The following MMP13 variants were observed in gnomAD, a reference collection of about 807,000 sequenced individuals.
MMP13 encodes the protein matrix metallopeptidase 13.
In MMP13, 45 loss-of-function variants were observed where a neutral mutation model predicts 52.1. The ratio of observed to expected loss-of-function variants is 0.86; its 90% CI spans 0.68 to 1.11. MMP13 has a LOEUF of 1.11. MMP13 is among the 50% of genes least tolerant of loss of function. The pLI is 0.00. For synonymous variants in MMP13, 200 were observed against 204.4 expected, an observed-to-expected ratio of 0.98 and a Z score of 0.18; for missense variants, 576 against 583.8, an observed-to-expected ratio of 0.99 and a Z score of 0.14.
chr11:102,955,440 C>T lies in MMP13; in HGVS notation c.174G>A (p.Glu58=), dbSNP rs749793838. 1.2e-6 allele frequency: 2 copies of T among 1,613,968 alleles called. No homozygotes were observed. Among genetic ancestry groups the T allele is most frequent in the African/African-American group, 2.7e-5 (2 of 74,910 alleles). Residue 58 remains glutamate, a synonymous_variant, in exon 2 of 10, where the codon GAG becomes GAA. Coordinates refer to ENST00000260302, the MANE Select transcript of MMP13 (RefSeq NM_002427.4). This position sits in a 1 kb window ranked among gnomAD's most constrained non-coding sequence, Gnocchi z 4.9. ...TCTCAGTCATGGAGCTTGCTGCATT[C>T]TCCTTCAGGATTCCCGCGAGATTTG... The part of the protein sequence containing the change: ...HPTNLAGILK[E]NAASSMTERL...
rs748106896 is a variant in MMP13, at chr11:102,955,456, G to A, written c.158C>T (p.Ala53Val). ...TGCTGCATTCTCCTTCAGGATTCCC[G>A]CGAGATTTGTAGGATGGTAGTATGA... is the stretch of plus-strand genomic sequence containing the variant. Reference protein sequence around the residue: ...LRSYYHPTNLAGILKENAASS... With the variant: ...LRSYYHPTNLVGILKENAASS... Residue 53 changes from alanine to valine, a missense_variant, in exon 2 of 10, where the codon GCG (alanine) becomes GTG (valine). By Grantham distance (64) the Ala-to-Val change is moderately conservative. Transcript: ENST00000260302. The surrounding 1 kb of genome is among the most constrained non-coding windows in gnomAD (Gnocchi z 4.9). The A allele has an allele frequency of 7.8e-5, 126 of 1,613,976 alleles. No homozygotes were observed. The highest frequency in any genetic ancestry group is 5.4e-4 in the South Asian group (49 of 91,072).
In MMP13 at chr11:102,952,597, C is replaced by T. The variant is rs1485077705; in HGVS notation, c.638-424G>A. Among the ~76,000 whole-genome samples the T allele has an allele frequency of 6.6e-6, 1 of 152,070 alleles. No homozygotes were observed. Among genetic ancestry groups the T allele is most frequent in the African/African-American group, 2.4e-5 (1 of 41,418 alleles). ...GCTAGGGTGCTGCCCAGAACATCCT[C>T]CAATCAGGAGGCAGCATCCAAAGGG... On this transcript the variant is annotated intron_variant, in intron 4 of 9. Coordinates refer to ENST00000260302, the MANE Select transcript of MMP13 (RefSeq NM_002427.4). This position sits in a 1 kb window ranked among gnomAD's most constrained non-coding sequence, Gnocchi z 4.3.
Position 102,945,695 on chromosome 11 carries a change from T to G in MMP13, c.1266A>C (p.Glu422Asp), listed in dbSNP as rs1860494883. 2 of 1,605,342 alleles carry G rather than the reference T, an allele frequency of 1.2e-6. No individual in the cohort carries two copies. Among genetic ancestry groups the G allele is most frequent in the Non-Finnish European group, 1.7e-6 (2 of 1,172,916 alleles). ...CTTTATCACCAATTCCTGGGAAGTCTTCTTCTATTAGTCTCGGATAGTCTT... is the reference window on the plus strand; with the variant it reads ...CTTTATCACCAATTCCTGGGAAGTCGTCTTCTATTAGTCTCGGATAGTCTT... ...MDKDYPRLIE[E>D]DFPGIGDKVD... The change falls in exon 9 of 10, where the codon GAA becomes GAC. Residue 422 changes from glutamate to aspartate, a missense_variant. Glu to Asp is a conservative substitution (Grantham distance 45, BLOSUM62 2). Coordinates refer to ENST00000260302, the MANE Select transcript of MMP13 (RefSeq NM_002427.4).
chr11:102,949,294 T>A lies in MMP13; in HGVS notation c.918-136A>T, dbSNP rs1860569358. On this transcript the variant is annotated intron_variant, in intron 6 of 9. Coordinates refer to ENST00000260302, the MANE Select transcript of MMP13 (RefSeq NM_002427.4). The surrounding 1 kb of genome is among the most constrained non-coding windows in gnomAD (Gnocchi z 4.2). ...CTCCCACCTGTGAAGGGAAAAAAAA[T>A]TCCATTACCCTTTAAGCGCCAGTGA... 6.4e-6 allele frequency: 7 copies of A among 1,096,418 alleles called. No homozygotes were observed. Among genetic ancestry groups the A allele is most frequent in the Admixed American group, 6.1e-5 (3 of 49,154 alleles). The allele number at this position is 1,096,418 out of a possible 1,614,324, so 67.9% of individuals were successfully genotyped here.
At chr11:102,954,363 C>G (rs1219833591) in intron 3 of MMP13, 82 bp from the exon 4 acceptor site, 2 of 1,600,454 alleles carry the variant, frequency 1.2e-6, no homozygotes, top group Non-Finnish European at 1.7e-6. Context: ...GTGTTGAATT[C>G]TTTAAAAAGT....
rs950488792 is a variant in MMP13, at chr11:102,955,083, T to C, written c.362+169A>G. Among the ~76,000 whole-genome samples the C allele has an allele frequency of 2.6e-5, 4 of 152,172 alleles. No homozygotes were observed. Among genetic ancestry groups the C allele is most frequent in the African/African-American group, 4.8e-5 (2 of 41,444 alleles). On this transcript the variant is annotated intron_variant, in intron 2 of 9. Transcript: ENST00000260302. This position sits in a 1 kb window ranked among gnomAD's most constrained non-coding sequence, Gnocchi z 4.9. The stretch of plus-strand genomic sequence containing the variant: ...CTTTGAGATGCCCACTAAAAAATAA[T>C]GCTGAGTTAATGTAACAATAATAGA...
intron 5 of MMP13, among the ~76,000 whole-genome samples, chr11:102,951,183 A>G (rs1405613531): frequency 1.3e-5 from 2 of 152,084 alleles, no homozygotes; most frequent in Non-Finnish European, 2.9e-5. Flanking sequence ...TTTTTTTACA[A>G]TGGTTACTGT....
At position 102,949,664 on chromosome 11, in the gene MMP13, T is replaced by C. The variant is rs1342068492; in HGVS notation, c.917+446A>G. 3.3e-5 allele frequency among the ~76,000 whole-genome samples: 5 copies of C among 152,186 alleles called. No homozygotes were observed. Among genetic ancestry groups the C allele is most frequent in the African/African-American group, 7.2e-5 (3 of 41,450 alleles). ...TGAATAAACAAGCATACTGGAACAG[T>C]GTAGAAATTAAAATTTTATATTGCA... On this transcript the variant is annotated intron_variant, in intron 6 of 9. Coordinates refer to ENST00000260302, the MANE Select transcript of MMP13 (RefSeq NM_002427.4). This position sits in a 1 kb window ranked among gnomAD's most constrained non-coding sequence, Gnocchi z 4.2.
At chr11:102,947,771 G>A (rs1860536626) in intron 8 of MMP13, 120 bp downstream of exon 8, 1 of 1,166,746 alleles carries the variant, frequency 8.6e-7, no homozygotes, top group Non-Finnish European at 1.3e-6. Flanking sequence ...GACATGGAAT[G>A]AAAATGAATG....
At position 102,955,381 on chromosome 11, in the gene MMP13, T is replaced by C; in HGVS notation, c.233A>G (p.Glu78Gly). 6.2e-7 allele frequency: 1 copy of C among 1,614,058 alleles called. No homozygotes were observed. The highest frequency in any genetic ancestry group is 8.5e-7 in the Non-Finnish European group (1 of 1,179,956). The stretch of plus-strand genomic sequence containing the variant: ...GTTATCGTCAAGTTTGCCAGTCACC[T>C]CTAAGCCGAAGAAAGACTGCATTTC... ...LREMQSFFGL[E>G]VTGKLDDNTL... Residue 78 changes from glutamate to glycine, a missense_variant, in exon 2 of 10, where the codon GAG becomes GGG. Physicochemically the swap from Glu to Gly is moderately conservative, Grantham distance 98 (BLOSUM62 -2). Transcript: ENST00000260302. The surrounding 1 kb of genome is among the most constrained non-coding windows in gnomAD (Gnocchi z 4.9).
chr11:102,948,050 C>A lies in MMP13; in HGVS notation c.1052G>T (p.Gly351Val). ...ACCATTAAGAGCCCAAAATTTTCTA[C>A]CTGGAATGAGTGAAATAACAGTTCT... The part of the protein sequence containing the change: ...PSHDLIFIFR[G>V]RKFWALNGYD... The change falls in exon 8 of 10, where the codon GGT (glycine) becomes GTT (valine). Residue 351 changes from glycine (G) to valine (V), a missense_variant and splice_region_variant. Physicochemically the swap from Gly to Val is moderately radical, Grantham distance 109. Transcript: ENST00000260302. 6.2e-7 allele frequency: 1 copy of A among 1,612,890 alleles called. No individual in the cohort carries two copies. Among genetic ancestry groups the A allele is most frequent in the Non-Finnish European group, 8.5e-7 (1 of 1,179,398 alleles).
At chr11:102,947,201 A>T (rs1371331523) in intron 8 of MMP13, among the ~76,000 whole-genome samples, 1 of 152,210 alleles carries the variant, frequency 6.6e-6, no homozygotes, top group Non-Finnish European at 1.5e-5. Context: ...TCATGCTGGT[A>T]TCCTCTTTGG....
At chr11:102,954,117 C>A in intron 4 of MMP13, 39 bp downstream of exon 4, 2 of 1,609,518 alleles carry the variant, frequency 1.2e-6, no homozygotes, top group Non-Finnish European at 1.7e-6. Flanking sequence ...ACTGTCTAAT[C>A]TAATAACACA....
rs943039258 is a variant in MMP13 at position 102,955,604 on chromosome 11, T to A, written c.102A>T (p.Glu34Asp). ...ACTCTACCTCTGCAAACTGGAGGTC[T>A]TCCTCAGACAAATCATCTTCATCAC... ...SGGDEDDLSE[E>D]DLQFAERYLR... The change falls in exon 1 of 10, where the codon GAA becomes GAT. Residue 34 changes from glutamate to aspartate, a missense_variant. Transcript: ENST00000260302. The surrounding 1 kb of genome is among the most constrained non-coding windows in gnomAD (Gnocchi z 4.9). 1 of 1,613,898 alleles carries A rather than the reference T, an allele frequency of 6.2e-7. No individual in the cohort carries two copies. Among genetic ancestry groups the A allele is most frequent in the Non-Finnish European group, 8.5e-7 (1 of 1,179,916 alleles).
intron 5 of MMP13, among the ~76,000 whole-genome samples, chr11:102,951,046 A>T (rs1860603318): frequency 6.6e-6 from 1 of 152,182 alleles, no homozygotes; most frequent in Non-Finnish European, 1.5e-5. Flanking sequence ...AAGTGTTTAC[A>T]CTGATGACTG....
chr11:102,943,066 T>C lies in MMP13; in HGVS notation c.*1200A>G, dbSNP rs181285292. 1.1e-4 allele frequency: 16 copies of C among 152,342 alleles called. No homozygotes were observed. In the East Asian group the frequency reaches 3.1e-3, roughly 29 times the overall value. The allele number at this position is 152,342 out of a possible 1,614,324, so 9.4% of individuals were successfully genotyped here. ...ATACACTTTGCAAATATGCATTTCA[T>C]TTTCTTTGCCTGAGTTTTTATCAAC... On this transcript the variant is annotated 3_prime_UTR_variant, in exon 10 of 10. Coordinates refer to ENST00000260302, the MANE Select transcript of MMP13 (RefSeq NM_002427.4).
In MMP13 at chr11:102,944,094, T is replaced by A. The variant is rs1860454006; in HGVS notation, c.*172A>T. The A allele has an allele frequency of 1.6e-6, 1 of 630,736 alleles. No individual in the cohort carries two copies. The highest frequency in any genetic ancestry group is 1.5e-5 in the South Asian group (1 of 68,038). The allele number at this position is 630,736 out of a possible 1,614,324, so 39.1% of individuals were successfully genotyped here. ...TTCATTACTCTAACATTCTTCAATG[T>A]GGTTCCAGCCACGCATAGTCATATA... On this transcript the variant is annotated 3_prime_UTR_variant, in exon 10 of 10. Coordinates refer to ENST00000260302, the MANE Select transcript of MMP13 (RefSeq NM_002427.4).
intron 5 of MMP13, among the ~76,000 whole-genome samples, chr11:102,951,364 G>T (rs1212129046): frequency 6.6e-6 from 1 of 152,064 alleles, no homozygotes; most frequent in Non-Finnish European, 1.5e-5. Flanking sequence ...TTTCTTCATT[G>T]GTTAAATGGG....
In MMP13 at chr11:102,952,169, G is replaced by T. The variant is rs1860624541; in HGVS notation, c.642C>A (p.Tyr214Ter). Residue 214 changes from tyrosine (Y) to a stop codon, truncating the protein, a stop_gained, in exon 5 of 10, where the codon TAC becomes TAA. Coordinates refer to ENST00000260302, the MANE Select transcript of MMP13 (RefSeq NM_002427.4). LOFTEE classifies it high-confidence loss of function. This position sits in a 1 kb window ranked among gnomAD's most constrained non-coding sequence, Gnocchi z 4.3. Reference protein sequence around the residue: ...DETWTSSSKGYNLFLVAAHEF... With the variant: ...DETWTSSSKG Reference sequence around the variant, plus strand: ...CATGCGCAGCAACAAGAAACAAGTTGTAGCCTGTAAGAAAACAAAGAAACA... The same window carrying T: ...CATGCGCAGCAACAAGAAACAAGTTTTAGCCTGTAAGAAAACAAAGAAACA... 2 of 1,612,726 alleles carry T rather than the reference G, an allele frequency of 1.2e-6. No homozygotes were observed. The highest frequency in any genetic ancestry group is 3.3e-5 in the Admixed American group (2 of 59,950).
Sources: gnomAD v4.1 joint callset for allele counts (sites outside exome capture counted in the v4.1 genomes callset) on GRCh38, gnomAD v4.1.1 for gene constraint, Gnocchi (gnomAD v3.1) non-coding constraint, MANE v1.5 for transcripts, NCBI Gene and HGNC (gene_info 2026-07-23, HGNC 2026-07-21) for gene names.